The following LMX1A variants were observed in gnomAD, a reference collection of about 807,000 sequenced individuals.
The protein encoded by LMX1A is LIM homeobox transcription factor 1-alpha.
In LMX1A, 15 loss-of-function variants were observed where a neutral mutation model predicts 49.1. The ratio of observed to expected loss-of-function variants is 0.31; its 90% CI spans 0.20 to 0.47. The LOEUF is 0.47. Among genes scored for constraint, LMX1A ranks in the 20% least tolerant of loss-of-function variants. The pLI, the probability that LMX1A is intolerant of heterozygous loss-of-function variation, is 1.00. For synonymous variants in LMX1A, 167 were observed against 185.7 expected (o/e 0.90, Z 0.82); for missense variants, 372 against 475.8 (o/e 0.78, Z 2.03).
At position 165,202,128 on chromosome 1, in the gene LMX1A, TTGCCAGAGTGATAGGGACG is replaced by T. The variant is rs553861103; in HGVS notation, c.*1733_*1751del. On this transcript the variant is annotated 3_prime_UTR_variant, in exon 9 of 9. Transcript: ENST00000342310. ...ATAAGGGGACATGTTCCCTCTGGCC[TTGCCAGAGTGATAGGGACG>T]TGTCTCTGTGTTCAAGTCTCCAATG... 7 of 152,708 alleles carry T rather than the reference TTGCCAGAGTGATAGGGACG, an allele frequency of 4.6e-5. No individual in the cohort carries two copies. In the East Asian group the frequency reaches 1.4e-3, roughly 30 times the overall value. 9.5% of individuals were successfully genotyped at this position (152,708 alleles called of 1,614,324 possible). A position where few individuals can be genotyped will look rare whatever the true frequency, so the allele number is the denominator to read the frequency against.
chr1:165,287,314 A>G (rs559051367), intron 3 of LMX1A, among the ~76,000 whole-genome samples: 4 of 152,276 alleles, frequency 2.6e-5, no homozygotes, highest in East Asian at 3.9e-4. Flanking sequence ...CTAAAGGACT[A>G]AAAAAACTGA....
chr1:165,223,243 T>C (rs7546255), intron 4 of LMX1A, among the ~76,000 whole-genome samples: 28,991 of 152,166 alleles, frequency 0.19, 2,836 homozygotes, highest in South Asian at 0.28. Flanking sequence ...AGTAGATAAA[T>C]GCACTTTGAA....
At chr1:165,257,504 T>C (rs1051654011) in intron 3 of LMX1A, among the ~76,000 whole-genome samples, 1 of 152,098 alleles carries the variant, frequency 6.6e-6, no homozygotes, top group African/African-American at 2.4e-5. Context: ...CAAAGGGATT[T>C]CTGAAAGAGG....
chr1:165,321,128 A>G (rs1557884181), intron 3 of LMX1A, among the ~76,000 whole-genome samples: 1 of 152,218 alleles, frequency 6.6e-6, no homozygotes, highest in East Asian at 1.9e-4. Flanking sequence ...GCTGAGTAAA[A>G]GAAGTCAAAT....
chr1:165,328,073 G>C (rs1470069237), intron 3 of LMX1A, among the ~76,000 whole-genome samples: 2 of 152,238 alleles, frequency 1.3e-5, no homozygotes, highest in Non-Finnish European at 2.9e-5. Flanking sequence ...AGTGGAAGGA[G>C]AGATAAGGAG....
rs139203065 is a variant in LMX1A at position 165,304,946 on chromosome 1, G to T, written c.263+48130C>A. On this transcript the variant is annotated intron_variant, in intron 3 of 8. Coordinates refer to ENST00000342310, the MANE Select transcript of LMX1A (RefSeq NM_177398.4). ...CACCACCTGCCCCACAGCAGGCTGG[G>T]TGCATCTACCTCATGCTCCAGTTAT... 9.1e-4 allele frequency among the ~76,000 whole-genome samples: 139 copies of T among 152,218 alleles called. 1 individual carries two copies. In the East Asian group the frequency reaches 0.022, roughly 24 times the overall value.
chr1:165,353,018 T>A, intron 3 of LMX1A, 58 bp downstream of exon 3: 1 of 1,563,744 alleles, frequency 6.4e-7, no homozygotes, highest in Non-Finnish European at 8.8e-7. Context: ...GAGGACAAAG[T>A]CCTCGACGCA....
At chr1:165,273,441 TC>T (rs1441723786) in intron 3 of LMX1A, among the ~76,000 whole-genome samples, 2 of 152,126 alleles carry the variant, frequency 1.3e-5, no homozygotes, top group Non-Finnish European at 2.9e-5. Flanking sequence ...CACAGGCAAC[TC>T]AAAGGAGAAA....
At chr1:165,209,167 C>T (rs1465545786) in intron 6 of LMX1A, among the ~76,000 whole-genome samples, 1 of 152,192 alleles carries the variant, frequency 6.6e-6, no homozygotes, top group Admixed American at 6.5e-5. Flanking sequence ...CAACTTATTG[C>T]ACTATGGAGT....
intron 4 of LMX1A, among the ~76,000 whole-genome samples, chr1:165,238,732 G>C (rs1304374661): frequency 6.6e-6 from 1 of 152,208 alleles, no homozygotes; most frequent in Non-Finnish European, 1.5e-5. Context: ...CAGCCAGAAA[G>C]AGCTGTCAGT....
In LMX1A at chr1:165,355,055, C is replaced by A. The variant is rs1656559780; in HGVS notation, c.76+429G>T. Reference sequence around the variant, plus strand: ...GCCTTGCCCATGGCTGAAATTGGGGCTGGAGTTGGTGGGGGAGAGAAGCCT... The same window carrying A: ...GCCTTGCCCATGGCTGAAATTGGGGATGGAGTTGGTGGGGGAGAGAAGCCT... On this transcript the variant is annotated intron_variant, in intron 2 of 8. Coordinates refer to ENST00000342310, the MANE Select transcript of LMX1A (RefSeq NM_177398.4). The surrounding 1 kb of genome is among the most constrained non-coding windows in gnomAD (Gnocchi z 4.7). Among the ~76,000 whole-genome samples the A allele has an allele frequency of 6.6e-6, 1 of 152,040 alleles. No homozygotes were observed. Among genetic ancestry groups the A allele is most frequent in the Admixed American group, 6.5e-5 (1 of 15,274 alleles).
intron 3 of LMX1A, among the ~76,000 whole-genome samples, chr1:165,349,984 T>C (rs1656371315): frequency 6.6e-6 from 1 of 152,190 alleles, no homozygotes; most frequent in South Asian, 2.1e-4. Flanking sequence ...ATTCCCTATA[T>C]ATTCTTTCAT....
intron 3 of LMX1A, among the ~76,000 whole-genome samples, chr1:165,251,313 C>T (rs1383758977): frequency 6.6e-6 from 1 of 152,166 alleles, no homozygotes; most frequent in Non-Finnish European, 1.5e-5. Context: ...GAACTCCTGA[C>T]CTCAAGTGAT....
chr1:165,239,773 G>A (rs1481144062), intron 4 of LMX1A, among the ~76,000 whole-genome samples: 1 of 152,122 alleles, frequency 6.6e-6, no homozygotes, highest in Non-Finnish European at 1.5e-5. Context: ...TCCTTAATAA[G>A]AATAACAACA....
At chr1:165,320,477 G>A (rs1655352079) in intron 3 of LMX1A, among the ~76,000 whole-genome samples, 1 of 152,184 alleles carries the variant, frequency 6.6e-6, no homozygotes, top group African/African-American at 2.4e-5. Flanking sequence ...AAGGCAGAAG[G>A]AAGAATGAGA....
chr1:165,244,425 G>T (rs538099023), intron 4 of LMX1A, among the ~76,000 whole-genome samples: 1 of 152,216 alleles, frequency 6.6e-6, no homozygotes, highest in East Asian at 1.9e-4. Flanking sequence ...TAAGCGGGGT[G>T]GGGTCTGGCA....
intron 3 of LMX1A, among the ~76,000 whole-genome samples, chr1:165,267,091 A>G (rs748651667): frequency 6.6e-6 from 1 of 152,102 alleles, no homozygotes; most frequent in Non-Finnish European, 1.5e-5. Context: ...TACCACCTCT[A>G]TCTAGTTCCA....
chr1:165,228,173 T>C (rs1338939751), intron 4 of LMX1A, among the ~76,000 whole-genome samples: 1 of 152,202 alleles, frequency 6.6e-6, no homozygotes, highest in Non-Finnish European at 1.5e-5. Context: ...CAGTGACTGA[T>C]GGAGAAGTCA....
At chr1:165,315,537 C>G (rs1449526215) in intron 3 of LMX1A, among the ~76,000 whole-genome samples, 1 of 152,200 alleles carries the variant, frequency 6.6e-6, no homozygotes, top group Non-Finnish European at 1.5e-5. Flanking sequence ...AGCTAAGGAG[C>G]CAGCAAAGTG....
Sources: allele counts gnomAD v4.1 joint callset (sites outside exome capture counted in the v4.1 genomes callset), GRCh38; gene constraint gnomAD v4.1.1; non-coding constraint Gnocchi (gnomAD v3.1); transcripts MANE v1.5; gene names NCBI Gene and HGNC (gene_info 2026-07-23, HGNC 2026-07-21).